The following TAS2R1 variants were observed in gnomAD, a reference collection of about 807,000 sequenced individuals.
TAS2R1 encodes the protein taste 2 receptor member 1.
For synonymous variants in TAS2R1, 141 were observed against 134.2 expected (o/e 1.05, Z -0.35); for missense variants, 370 against 353.4 (o/e 1.05, Z -0.38).
the TAS2R1 span, among the ~76,000 whole-genome samples, chr5:9,885,739 GA>G: frequency 6.6e-6 from 1 of 152,188 alleles, no homozygotes; most frequent in Non-Finnish European, 1.5e-5. Flanking sequence ...CACTGAGTCA[GA>G]AAGTTGGGTG....
the TAS2R1 span, among the ~76,000 whole-genome samples, chr5:9,792,449 T>C: frequency 2.8e-3 from 427 of 152,332 alleles, 3 homozygotes; most frequent in South Asian, 7.5e-3. Context: ...GTGTTATAAC[T>C]TTGAAATGTC....
the TAS2R1 span, among the ~76,000 whole-genome samples, chr5:9,754,491 C>G: frequency 1.9e-4 from 29 of 152,134 alleles, no homozygotes; most frequent in African/African-American, 6.8e-4. Flanking sequence ...TGATTGTATA[C>G]CTAGAAAACC....
chr5:9,736,502 G>C, the TAS2R1 span, among the ~76,000 whole-genome samples: 1 of 152,128 alleles, frequency 6.6e-6, no homozygotes, highest in Non-Finnish European at 1.5e-5. Flanking sequence ...TGACATTTCA[G>C]TTTCATGTTC....
At chr5:9,667,094 A>T (rs185387455) in intron 1 of TAS2R1, among the ~76,000 whole-genome samples, 10 of 152,288 alleles carry the variant, frequency 6.6e-5, no homozygotes, top group Admixed American at 2.0e-4. Flanking sequence ...GTTTTTTTCT[A>T]CAAATTTTAA....
the TAS2R1 span, among the ~76,000 whole-genome samples, chr5:9,800,430 G>C: frequency 6.6e-6 from 1 of 152,192 alleles, no homozygotes; most frequent in African/African-American, 2.4e-5. Context: ...TGTGGTGGGA[G>C]GGAGGGTCTA....
intron 1 of TAS2R1, among the ~76,000 whole-genome samples, chr5:9,659,744 ACT>A (rs1383676952): frequency 2.0e-5 from 3 of 152,092 alleles, no homozygotes; most frequent in Non-Finnish European, 4.4e-5. Flanking sequence ...CCTGAACAAG[ACT>A]CTCACGATAG....
At chr5:9,873,562 G>A in the TAS2R1 span, among the ~76,000 whole-genome samples, 13 of 151,944 alleles carry the variant, frequency 8.6e-5, no homozygotes, top group South Asian at 4.2e-4. Context: ...AATAGAAGGA[G>A]GAGAAATAAA....
chr5:9,671,236 C>T (rs778434844), intron 1 of TAS2R1, among the ~76,000 whole-genome samples: 2 of 152,102 alleles, frequency 1.3e-5, no homozygotes, highest in Non-Finnish European at 2.9e-5. Context: ...CAGAACAAGA[C>T]AAGGATTTCA....
chr5:9,735,750 GT>G, the TAS2R1 span, among the ~76,000 whole-genome samples: 1 of 152,306 alleles, frequency 6.6e-6, no homozygotes, highest in Admixed American at 6.5e-5. Flanking sequence ...TAGTGTTCAT[GT>G]TTATTTAGGA....
At chr5:9,877,975 G>A in the TAS2R1 span, among the ~76,000 whole-genome samples, 1 of 152,142 alleles carries the variant, frequency 6.6e-6, no homozygotes, top group African/African-American at 2.4e-5. Flanking sequence ...AAATCTCACT[G>A]GGGAAGAAAG....
At chr5:9,757,035 G>T in the TAS2R1 span, among the ~76,000 whole-genome samples, 2 of 152,136 alleles carry the variant, frequency 1.3e-5, no homozygotes, top group African/African-American at 2.4e-5. Flanking sequence ...CAGGTTCTCT[G>T]CTCCCCAGAC....
the TAS2R1 span, among the ~76,000 whole-genome samples, chr5:9,886,752 CA>C: frequency 6.6e-6 from 1 of 152,008 alleles, no homozygotes; most frequent in African/African-American, 2.4e-5. Context: ...GAGTGAGGAT[CA>C]AAAAACTGTC....
At chr5:9,831,599 T>C in the TAS2R1 span, among the ~76,000 whole-genome samples, 1 of 150,288 alleles carries the variant, frequency 6.7e-6, no homozygotes, top group Non-Finnish European at 1.5e-5. Context: ...GCAATTTTGT[T>C]TTCTTTAACG....
At chr5:9,646,970 T>A (rs746547220) in intron 2 of TAS2R1, among the ~76,000 whole-genome samples, 11 of 152,154 alleles carry the variant, frequency 7.2e-5, no homozygotes, top group Non-Finnish European at 1.6e-4. Flanking sequence ...CTATGTAATA[T>A]TTGTCATAGC....
intron 1 of TAS2R1, among the ~76,000 whole-genome samples, chr5:9,666,663 A>G (rs139710730): frequency 2.4e-4 from 37 of 152,278 alleles, no homozygotes; most frequent in Admixed American, 7.2e-4. Flanking sequence ...GGCAAAGGAA[A>G]CAAAAACTAG....
At chr5:9,687,216 C>T (rs1741142759) in intron 1 of TAS2R1, among the ~76,000 whole-genome samples, 1 of 152,100 alleles carries the variant, frequency 6.6e-6, no homozygotes, top group South Asian at 2.1e-4. Flanking sequence ...GGTGATTGCT[C>T]GCCTCAGCCT....
intron 1 of TAS2R1, among the ~76,000 whole-genome samples, chr5:9,685,018 A>C (rs538870329): frequency 1.5e-4 from 23 of 152,298 alleles, no homozygotes; most frequent in Admixed American, 4.6e-4. Context: ...ATGGTTCAGA[A>C]CAGGGCCTGG....
the TAS2R1 span, among the ~76,000 whole-genome samples, chr5:9,799,080 C>T: frequency 6.6e-6 from 1 of 152,212 alleles, no homozygotes; most frequent in Non-Finnish European, 1.5e-5. Flanking sequence ...TGCAGCAGGA[C>T]AGTGCCTCCC....
At chr5:9,741,617 T>A in the TAS2R1 span, among the ~76,000 whole-genome samples, 1 of 152,166 alleles carries the variant, frequency 6.6e-6, no homozygotes, top group Non-Finnish European at 1.5e-5. Flanking sequence ...AGAATAGAAG[T>A]TGATTGGCAT....
Sources: gnomAD v4.1 joint callset for allele counts (sites outside exome capture counted in the v4.1 genomes callset) on GRCh38, gnomAD v4.1.1 for gene constraint, MANE v1.5 for transcripts, NCBI Gene and HGNC (gene_info 2026-07-23, HGNC 2026-07-21) for gene names.